Variants in NRXN3 observed in about 807,000 individuals in gnomAD.
The protein encoded by NRXN3 is neurexin 3, also known as neurexin III.
Under a neutral mutation model 137.6 loss-of-function variants are expected in NRXN3, and 32 were observed. The observed-to-expected ratio is 0.23, with a 90% CI of 0.18 to 0.31. The LOEUF is 0.31. Among genes scored for constraint, NRXN3 ranks in the 10% least tolerant of loss-of-function variants. The pLI is 1.00. For missense variants in NRXN3, 1,574 were observed against 2,062.5 expected, an observed-to-expected ratio of 0.76 and a Z score of 4.59; for synonymous variants, 798 against 784.5, an observed-to-expected ratio of 1.02 and a Z score of -0.29.
At chr14:78,426,183 A>G (rs927305068) in intron 4 of NRXN3, among the ~76,000 whole-genome samples, 1 of 152,196 alleles carries the variant, frequency 6.6e-6, no homozygotes, top group African/African-American at 2.4e-5. Flanking sequence ...CATCAAGGAA[A>G]TGAGAGCAGA....
At chr14:78,537,374 T>C (rs2096546159) in intron 4 of NRXN3, among the ~76,000 whole-genome samples, 1 of 152,248 alleles carries the variant, frequency 6.6e-6, no homozygotes, top group Admixed American at 6.5e-5. Context: ...TGAGCATTTT[T>C]ACATGTGTCT....
intron 16 of NRXN3, among the ~76,000 whole-genome samples, chr14:79,659,686 C>T (rs1196046089): frequency 1.3e-5 from 2 of 151,992 alleles, no homozygotes; most frequent in Non-Finnish European, 2.9e-5. Context: ...TCCTATAACC[C>T]TCACAGCAAG....
intron 20 of NRXN3, among the ~76,000 whole-genome samples, chr14:79,807,730 C>G (rs1480482679): frequency 1.3e-5 from 2 of 152,126 alleles, no homozygotes; most frequent in African/African-American, 2.4e-5. Flanking sequence ...AAAGAGTGAA[C>G]ATGTAGCTCT....
chr14:78,560,238 G>T (rs984627008), intron 4 of NRXN3, among the ~76,000 whole-genome samples: 1 of 152,138 alleles, frequency 6.6e-6, no homozygotes, highest in Non-Finnish European at 1.5e-5. Flanking sequence ...ATATGAAACT[G>T]CTCTGGTAAA....
chr14:79,358,529 G>A (rs1287694944), intron 15 of NRXN3, among the ~76,000 whole-genome samples: 1 of 139,074 alleles, frequency 7.2e-6, no homozygotes, highest in African/African-American at 2.7e-5. Context: ...AGCAGAGATC[G>A]CACTACTGCA....
intron 4 of NRXN3, among the ~76,000 whole-genome samples, chr14:78,600,235 C>T (rs1220894315): frequency 3.3e-5 from 5 of 152,178 alleles, no homozygotes; most frequent in Admixed American, 2.0e-4. Context: ...GGTTGTTATA[C>T]AGCACCACAA....
At chr14:78,680,979 A>G (rs147235729) in intron 6 of NRXN3, among the ~76,000 whole-genome samples, 8 of 152,338 alleles carry the variant, frequency 5.3e-5, no homozygotes, top group Admixed American at 4.6e-4. Context: ...TATCAGAAAC[A>G]TGGTGGCTAC....
At chr14:78,195,331 G>A (rs72683766) in intron 1 of NRXN3, among the ~76,000 whole-genome samples, 7,451 of 151,960 alleles carry the variant, frequency 0.049, 230 homozygotes, top group Non-Finnish European at 0.055. Context: ...TCGTTCGTTC[G>A]TTCATTCATT....
At chr14:79,521,644 G>A (rs1382192075) in intron 16 of NRXN3, among the ~76,000 whole-genome samples, 7 of 152,060 alleles carry the variant, frequency 4.6e-5, no homozygotes, top group Non-Finnish European at 2.9e-5. Context: ...TTGACTCCTA[G>A]CAATCAGATA....
At chr14:79,150,072 A>G (rs1438076638) in intron 15 of NRXN3, among the ~76,000 whole-genome samples, 1 of 152,062 alleles carries the variant, frequency 6.6e-6, no homozygotes, top group Non-Finnish European at 1.5e-5. Flanking sequence ...CACACAGAAC[A>G]CAGGCAAGCA....
At chr14:78,541,815 T>G (rs1300133932) in intron 4 of NRXN3, among the ~76,000 whole-genome samples, 1 of 152,164 alleles carries the variant, frequency 6.6e-6, no homozygotes, top group Non-Finnish European at 1.5e-5. Flanking sequence ...TAGATGACCT[T>G]TCTGTTGATG....
intron 16 of NRXN3, among the ~76,000 whole-genome samples, chr14:79,596,929 T>A (rs2097864103): frequency 6.6e-6 from 1 of 152,158 alleles, no homozygotes; most frequent in African/African-American, 2.4e-5. Flanking sequence ...AAGTTTTAAA[T>A]GTGTATCTTT....
chr14:79,334,915 G>C (rs550256280), intron 15 of NRXN3, among the ~76,000 whole-genome samples: 6 of 152,034 alleles, frequency 3.9e-5, no homozygotes, highest in Non-Finnish European at 8.8e-5. Flanking sequence ...AAGGAGGATT[G>C]GTCTTATTTT....
chr14:79,300,001 C>A (rs560005528), intron 15 of NRXN3, among the ~76,000 whole-genome samples: 1 of 151,976 alleles, frequency 6.6e-6, no homozygotes, highest in South Asian at 2.1e-4. Flanking sequence ...AAAGTTCCTG[C>A]GTTGGAAAAT....
intron 4 of NRXN3, among the ~76,000 whole-genome samples, chr14:78,459,262 C>T (rs1184501927): frequency 2.0e-5 from 3 of 152,200 alleles, no homozygotes; most frequent in Admixed American, 2.0e-4. Flanking sequence ...ACCTTGGATG[C>T]ATTACCTAGC....
intron 15 of NRXN3, among the ~76,000 whole-genome samples, chr14:79,427,147 T>A (rs1410030975): frequency 6.6e-6 from 1 of 152,032 alleles, no homozygotes; most frequent in Non-Finnish European, 1.5e-5. Context: ...AAGAGGCGTG[T>A]TTCAACTAAC....
chr14:79,855,935 G>A (rs2099401625), intron 20 of NRXN3, among the ~76,000 whole-genome samples: 2 of 152,136 alleles, frequency 1.3e-5, no homozygotes, highest in African/African-American at 2.4e-5. Flanking sequence ...AGAGAGTTCC[G>A]ATGTTAAGAG....
rs187867405 is a variant in NRXN3 at position 78,459,452 on chromosome 14, G to A, written c.757+161592G>A. On this transcript the variant is annotated intron_variant, in intron 4 of 20. Coordinates refer to ENST00000335750, the MANE Select transcript of NRXN3 (RefSeq NM_001330195.2). ...CTGCTCTGAATCTCATCAGCCTCTC[G>A]TCCTGCTCCAACCCATGGAAGGTCT... is the stretch of plus-strand genomic sequence containing the variant. Among the ~76,000 whole-genome samples, 17 of 152,234 alleles carry A rather than the reference G, an allele frequency of 1.1e-4. 1 individual carries two copies. The highest frequency in any genetic ancestry group is 4.6e-4 in the Admixed American group (7 of 15,294).
chr14:79,210,736 T>A (rs1030677431), intron 15 of NRXN3, among the ~76,000 whole-genome samples: 1 of 152,312 alleles, frequency 6.6e-6, no homozygotes, highest in East Asian at 1.9e-4. Context: ...GATGCTTGGA[T>A]CAAAGTTACT....
Sources: allele counts gnomAD v4.1 joint callset (sites outside exome capture counted in the v4.1 genomes callset), GRCh38; gene constraint gnomAD v4.1.1; transcripts MANE v1.5; gene names NCBI Gene and HGNC (gene_info 2026-07-23, HGNC 2026-07-21).